ARSK: variants seen among roughly 807,000 people sequenced by gnomAD.
ARSK encodes the protein arylsulfatase K.
In ARSK, 37 loss-of-function variants were observed where a neutral mutation model predicts 53.2. The observed-to-expected ratio is 0.70, with a 90% CI of 0.54 to 0.92. The LOEUF is 0.92. Among genes scored for constraint, ARSK ranks in the 40% least tolerant of loss-of-function variants. ARSK has a pLI of 0.00. For missense variants in ARSK, 613 were observed against 643.0 expected, an observed-to-expected ratio of 0.95 and a Z score of 0.51; for synonymous variants, 208 against 223.2, an observed-to-expected ratio of 0.93 and a Z score of 0.61.
At position 95,576,388 on chromosome 5, in the gene ARSK, G is replaced by A. The variant is rs1015834459; in HGVS notation, c.417-6528G>A. Reference sequence around the variant, plus strand: ...TAATTTTTTGTATTTTAGTAGAGATGGGGTTTCACAATGTTGGCCAGGATG... The same window carrying A: ...TAATTTTTTGTATTTTAGTAGAGATAGGGTTTCACAATGTTGGCCAGGATG... On this transcript the variant is annotated intron_variant, in intron 3 of 7. Coordinates refer to ENST00000380009, the MANE Select transcript of ARSK (RefSeq NM_198150.3). Among the ~76,000 whole-genome samples, 5 of 151,250 alleles carry A rather than the reference G, an allele frequency of 3.3e-5. No homozygotes were observed. The East Asian group carries it at 6.0e-4, about 18-fold the overall frequency.
rs756890718 is a variant in ARSK at position 95,566,011 on chromosome 5, C to CCTG, written c.140_141insCTG (p.Thr47_Phe48insTer). The CCTG allele has an allele frequency of 6.2e-7, 1 of 1,610,926 alleles. No homozygotes were observed. The highest frequency in any genetic ancestry group is 1.7e-5 in the Admixed American group (1 of 59,476). On this transcript the variant is annotated stop_gained and inframe_insertion, in exon 2 of 8. Coordinates refer to ENST00000380009, the MANE Select transcript of ARSK (RefSeq NM_198150.3). LOFTEE classifies it high-confidence loss of function. ...CTTTATTTCCAGGATGGAAGGTTAA[C>CCTG]ATTTCATCCAGGAAGTCAGGTAGTG...
chr5:95,596,256 A>G (rs548558586), intron 6 of ARSK, among the ~76,000 whole-genome samples: 1 of 152,334 alleles, frequency 6.6e-6, no homozygotes, highest in Non-Finnish European at 1.5e-5. Context: ...AAACTTATAC[A>G]TATTTTGATA....
At chr5:95,592,150 AT>A (rs1425069742) in intron 6 of ARSK, among the ~76,000 whole-genome samples, 1 of 152,258 alleles carries the variant, frequency 6.6e-6, no homozygotes, top group African/African-American at 2.4e-5. Context: ...AGATACTAGA[AT>A]AACGACATAA....
chr5:95,573,016 T>A (rs1748861328), intron 3 of ARSK, among the ~76,000 whole-genome samples: 1 of 152,188 alleles, frequency 6.6e-6, no homozygotes, highest in Admixed American at 6.5e-5. Context: ...CTAAACAGTC[T>A]ATAATGCAGA....
chr5:95,591,959 A>C (rs1458526342), intron 6 of ARSK, among the ~76,000 whole-genome samples: 1 of 152,154 alleles, frequency 6.6e-6, no homozygotes, highest in African/African-American at 2.4e-5. Flanking sequence ...ACCTCCTTAA[A>C]ATGTAAGCAT....
chr5:95,575,821 C>T (rs1051879442), intron 3 of ARSK, among the ~76,000 whole-genome samples: 1 of 152,160 alleles, frequency 6.6e-6, no homozygotes, highest in African/African-American at 2.4e-5. Context: ...TGAAAGTTTA[C>T]ATCATCTGCA....
intron 7 of ARSK, 127 bp downstream of exon 7, chr5:95,601,198 ATC>A (rs1749397854): frequency 1.0e-6 from 1 of 954,342 alleles, no homozygotes. Flanking sequence ...TGCTAGGACG[ATC>A]TACAAAAGGT....
At chr5:95,591,294 G>T in intron 5 of ARSK, 107 bp from the exon 6 acceptor site, 1 of 916,704 alleles carries the variant, frequency 1.1e-6, no homozygotes. Context: ...CAGATGTTAA[G>T]AAGCATAGTG....
Position 95,568,010 on chromosome 5 carries a change from T to G in ARSK, c.377T>G (p.Phe126Cys), listed in dbSNP as rs569691679. 5.0e-6 allele frequency: 8 copies of G among 1,613,860 alleles called. No individual in the cohort carries two copies. In the Admixed American group the frequency reaches 1.3e-4, roughly 27 times the overall value. ...AGGCATGGCTACCGAACACAGAAAT[T>G]TGGGAAACTGGACTATACTTCAGGA... is the stretch of plus-strand genomic sequence containing the variant. The part of the protein sequence containing the change: ...MERHGYRTQK[F>C]GKLDYTSGHH... Residue 126 changes from phenylalanine (F) to cysteine (C), a missense_variant, in exon 3 of 8, where the codon TTT (phenylalanine) becomes TGT (cysteine). Transcript: ENST00000380009.
At position 95,600,951 on chromosome 5, in the gene ARSK, C is replaced by T. The variant is rs1470763874; in HGVS notation, c.1201C>T (p.Pro401Ser). 1.2e-6 allele frequency: 2 copies of T among 1,614,082 alleles called. No homozygotes were observed. Among genetic ancestry groups the T allele is most frequent in the South Asian group, 1.1e-5 (1 of 91,082 alleles). ...ACATAAAGTCAAAAACCTGCATCCA[C>T]CCTGGATTCTGAGTGAATTCCATGG... is the stretch of plus-strand genomic sequence containing the variant. ...NEHKVKNLHP[P>S]WILSEFHGCN... Residue 401 changes from proline to serine, a missense_variant, in exon 7 of 8, where the codon CCC (proline) becomes TCC (serine). Physicochemically the swap from Pro to Ser is moderately conservative, Grantham distance 74 (BLOSUM62 -1). Coordinates refer to ENST00000380009, the MANE Select transcript of ARSK (RefSeq NM_198150.3).
intron 3 of ARSK, among the ~76,000 whole-genome samples, chr5:95,575,406 C>T (rs1049917370): frequency 3.3e-5 from 5 of 151,904 alleles, no homozygotes; most frequent in Admixed American, 1.3e-4. Flanking sequence ...TTTATTTCTA[C>T]GAAGAATGTT....
intron 6 of ARSK, chr5:95,600,502 T>C: frequency 2.6e-6 from 1 of 391,266 alleles, no homozygotes; most frequent in South Asian, 2.1e-5. Flanking sequence ...ATTAACTATT[T>C]GTTGAAGGCT....
At chr5:95,557,331 A>T (rs549814391) in intron 1 of ARSK, among the ~76,000 whole-genome samples, 1 of 152,154 alleles carries the variant, frequency 6.6e-6, no homozygotes, top group Non-Finnish European at 1.5e-5. Context: ...AGAAAAATAA[A>T]TTGTGAGATC....
At chr5:95,560,662 C>T (rs1288923527) in intron 1 of ARSK, among the ~76,000 whole-genome samples, 1 of 151,640 alleles carries the variant, frequency 6.6e-6, no homozygotes, top group Non-Finnish European at 1.5e-5. Context: ...CCCTGCCTTG[C>T]ACCATACACA....
At position 95,603,246 on chromosome 5, in the gene ARSK, C is replaced by T. The variant is rs146519155; in HGVS notation, c.1331C>T (p.Ser444Leu). Reference sequence around the variant, plus strand: ...ATTTTTTTTCTTTCAGATCTTTCCTCGGATCCAGATGAATTAACAAATGTT... The same window carrying T: ...ATTTTTTTTCTTTCAGATCTTTCCTTGGATCCAGATGAATTAACAAATGTT... Reference protein sequence around the residue: ...SILPQLFDLSSDPDELTNVAV... With the variant: ...SILPQLFDLSLDPDELTNVAV... Residue 444 changes from serine to leucine, a missense_variant, in exon 8 of 8, where the codon TCG becomes TTG. By Grantham distance (145) the Ser-to-Leu change is moderately radical. Transcript: ENST00000380009. 347 of 1,558,264 alleles carry T rather than the reference C, an allele frequency of 2.2e-4. No individual in the cohort carries two copies. In the African/African-American group the frequency reaches 4.3e-3, roughly 19 times the overall value.
chr5:95,568,037 A>G lies in ARSK; in HGVS notation c.404A>G (p.His135Arg). ...KFGKLDYTSGHHSISNRVEAW... is the reference protein window; with the variant it reads ...KFGKLDYTSGRHSISNRVEAW... ...GGGAAACTGGACTATACTTCAGGAC[A>G]TCACTCCATTAGGTAAAAATAAAAC... is the stretch of plus-strand genomic sequence containing the variant. The change falls in exon 3 of 8, where the codon CAT becomes CGT. Residue 135 changes from histidine (H) to arginine (R), a missense_variant. His to Arg is a conservative substitution (Grantham distance 29). Transcript: ENST00000380009. 1 of 1,613,528 alleles carries G rather than the reference A, an allele frequency of 6.2e-7. No homozygotes were observed. Among genetic ancestry groups the G allele is most frequent in the Non-Finnish European group, 8.5e-7 (1 of 1,179,696 alleles).
chr5:95,562,251 A>G (rs911064576), intron 1 of ARSK, among the ~76,000 whole-genome samples: 3 of 152,134 alleles, frequency 2.0e-5, no homozygotes, highest in African/African-American at 7.2e-5. Context: ...TAAATAATAG[A>G]AAAGAAGCAT....
At chr5:95,560,972 T>C (rs1237428079) in intron 1 of ARSK, among the ~76,000 whole-genome samples, 1 of 152,082 alleles carries the variant, frequency 6.6e-6, no homozygotes, top group Admixed American at 6.5e-5. Flanking sequence ...ACCCAGATAA[T>C]TTTTTAATTT....
intron 3 of ARSK, among the ~76,000 whole-genome samples, chr5:95,575,058 G>A (rs750026342): frequency 3.3e-5 from 5 of 151,996 alleles, no homozygotes; most frequent in Admixed American, 6.6e-5. Context: ...ATTTTTCTGC[G>A]TATGGATATC....
Sources: allele counts gnomAD v4.1 joint callset (sites outside exome capture counted in the v4.1 genomes callset), GRCh38; gene constraint gnomAD v4.1.1; transcripts MANE v1.5; gene names NCBI Gene and HGNC (gene_info 2026-07-23, HGNC 2026-07-21).